NSDHL: variants seen among roughly 807,000 people sequenced by gnomAD.
The protein encoded by NSDHL is sterol-4-alpha-carboxylate 3-dehydrogenase, decarboxylating.
Under a neutral mutation model 23.0 loss-of-function variants are expected in NSDHL, and 1 was observed. That is an observed-to-expected ratio of 0.04 (90% CI 0.02 to 0.21). NSDHL has a LOEUF of 0.21. Among genes scored for constraint, NSDHL ranks in the 10% least tolerant of loss-of-function variants. The probability of loss-of-function intolerance (pLI) is 1.00; values close to 1 mark genes in which losing one functional copy is unlikely to be tolerated. For missense variants in NSDHL, 237 were observed against 300.9 expected (o/e 0.79, Z 1.57); for synonymous variants, 128 against 121.1 (o/e 1.06, Z -0.37).
chrX:152,836,683 C>T (rs2125001942), intron 1 of NSDHL, among the ~76,000 whole-genome samples: 1 of 112,129 alleles, frequency 8.9e-6, no homozygotes, highest in East Asian at 2.8e-4. Context: ...GGTACCAGTA[C>T]CATGCTGTTT....
At chrX:152,854,289 A>G (rs1243454630) in intron 3 of NSDHL, among the ~76,000 whole-genome samples, 3 of 112,327 alleles carry the variant, frequency 2.7e-5, no homozygotes, top group African/African-American at 9.7e-5. Flanking sequence ...AATTTAATAA[A>G]GGGAGAGGGG....
At position 152,858,644 on chromosome X, in the gene NSDHL, T is replaced by C. The variant is rs1480933455; in HGVS notation, c.268-126T>C. Reference sequence around the variant, plus strand: ...CATTGATTCTTTTATGAGAATGTATTTCCATATTGATTATAGAATTATAAG... The same window carrying C: ...CATTGATTCTTTTATGAGAATGTATCTCCATATTGATTATAGAATTATAAG... On this transcript the variant is annotated intron_variant, in intron 3 of 7. Coordinates refer to ENST00000370274, the MANE Select transcript of NSDHL (RefSeq NM_015922.3). 5.4e-6 allele frequency: 3 copies of C among 553,489 alleles called. No individual in the cohort carries two copies. In the African/African-American group the frequency reaches 6.9e-5, roughly 13 times the overall value. 45.6% of individuals were successfully genotyped at this position (553,489 alleles called of 1,213,427 possible).
chrX:152,865,577 G>A (rs1933593694), intron 5 of NSDHL, among the ~76,000 whole-genome samples: 1 of 112,914 alleles, frequency 8.9e-6, no homozygotes, highest in African/African-American at 3.2e-5. Context: ...TTGCCCAGCT[G>A]TCTGTCCTGC....
intron 3 of NSDHL, among the ~76,000 whole-genome samples, chrX:152,856,083 G>A: frequency 8.9e-6 from 1 of 111,883 alleles, no homozygotes; most frequent in Non-Finnish European, 1.9e-5. Flanking sequence ...TGGTGCTGTA[G>A]TATTTCCCAC....
chrX:152,842,126 T>C (rs1287213520), intron 1 of NSDHL, among the ~76,000 whole-genome samples: 2 of 112,573 alleles, frequency 1.8e-5, no homozygotes, highest in Non-Finnish European at 3.7e-5. Flanking sequence ...AGTGGACACA[T>C]TGCTGCTCCT....
Position 152,868,896 on chromosome X carries a change from A to G in NSDHL, c.902A>G (p.Tyr301Cys), listed in dbSNP as rs1933657244. 5.8e-6 allele frequency: 7 copies of G among 1,211,662 alleles called. No homozygotes were observed. Among genetic ancestry groups the G allele is most frequent in the Non-Finnish European group, 7.8e-6 (7 of 895,181 alleles). Residue 301 changes from tyrosine (Y) to cysteine (C), a missense_variant, in exon 8 of 8, where the codon TAC (tyrosine) becomes TGC (cysteine). Transcript: ENST00000370274. ...PKYHIPYWVA[Y>C]YLALLLSLLV... ...TACCACATCCCCTACTGGGTGGCCT[A>G]CTACCTGGCCCTCCTGCTATCCCTG...
chrX:152,859,329 T>G (rs1556847297), intron 4 of NSDHL, among the ~76,000 whole-genome samples: 1 of 111,773 alleles, frequency 8.9e-6, no homozygotes, highest in African/African-American at 3.3e-5. Flanking sequence ...CTCTAAACCT[T>G]TTTCTTCTTC....
chrX:152,862,788 T>A, intron 5 of NSDHL, 64 bp downstream of exon 5: 1 of 1,063,421 alleles, frequency 9.4e-7, no homozygotes, highest in East Asian at 3.0e-5. Context: ...GAAAAATGTT[T>A]ATGAACTTAT....
chrX:152,846,371 C>T lies in NSDHL; in HGVS notation c.47C>T (p.Thr16Ile). 3 of 1,211,104 alleles carry T rather than the reference C, an allele frequency of 2.5e-6. No individual in the cohort carries two copies. The highest frequency in any genetic ancestry group is 3.4e-6 in the Non-Finnish European group (3 of 894,673). Residue 16 changes from threonine to isoleucine, a missense_variant, in exon 2 of 8, where the codon ACT (threonine) becomes ATT (isoleucine). Coordinates refer to ENST00000370274, the MANE Select transcript of NSDHL (RefSeq NM_015922.3). ...SEPMRDQVAR[T>I]HLTEDTPKVN... ...CCAATGAGAGACCAAGTCGCACGGA[C>T]TCATTTGACAGAGGACACTCCCAAA...
chrX:152,832,138 C>A (rs1306697916), intron 1 of NSDHL, among the ~76,000 whole-genome samples: 1 of 111,522 alleles, frequency 9.0e-6, no homozygotes, highest in Non-Finnish European at 1.9e-5. Context: ...ACCTCATGTG[C>A]CAGCCACACT....
chrX:152,848,502 G>A (rs1327897524), intron 2 of NSDHL, among the ~76,000 whole-genome samples: 2 of 112,502 alleles, frequency 1.8e-5, no homozygotes, highest in Admixed American at 9.4e-5. Flanking sequence ...AATAATCCAC[G>A]TCACATTGTC....
At chrX:152,832,142 C>T (rs1385550184) in intron 1 of NSDHL, among the ~76,000 whole-genome samples, 1 of 111,573 alleles carries the variant, frequency 9.0e-6, no homozygotes, top group African/African-American at 3.3e-5. Flanking sequence ...CATGTGCCAG[C>T]CACACTCCTG....
At chrX:152,833,572 T>A (rs6627690) in intron 1 of NSDHL, among the ~76,000 whole-genome samples, 13,542 of 111,941 alleles carry the variant, frequency 0.12, 968 homozygotes, top group African/African-American at 0.27. Context: ...AGCTTGTCAC[T>A]GTTATAAGAA....
intron 5 of NSDHL, among the ~76,000 whole-genome samples, chrX:152,865,410 C>T (rs1191089692): frequency 8.9e-6 from 1 of 112,778 alleles, no homozygotes; most frequent in Non-Finnish European, 1.9e-5. Flanking sequence ...GTGGGCGGCA[C>T]ATGCAGTTCA....
intron 2 of NSDHL, among the ~76,000 whole-genome samples, chrX:152,848,655 C>T (rs1193124350): frequency 2.7e-5 from 3 of 112,341 alleles, no homozygotes; most frequent in Admixed American, 9.4e-5. Flanking sequence ...ACAAGGCAGT[C>T]TGAAATCTTT....
At chrX:152,867,794 C>T in intron 7 of NSDHL, 121 bp downstream of exon 7, 1 of 555,677 alleles carries the variant, frequency 1.8e-6, no homozygotes, top group Non-Finnish European at 3.1e-6. Context: ...GCCTTAGGAC[C>T]CCCTGTGCCA....
intron 3 of NSDHL, among the ~76,000 whole-genome samples, chrX:152,853,780 A>AG (rs1214274103): frequency 2.7e-5 from 3 of 112,267 alleles, no homozygotes; most frequent in Non-Finnish European, 5.6e-5. Flanking sequence ...CCTGAACCAC[A>AG]GAACTTGCTC....
rs1933670228 is a variant in NSDHL at position 152,869,302 on chromosome X, T to C, written c.*186T>C. The C allele has an allele frequency of 2.7e-5, 13 of 477,402 alleles. No homozygotes were observed. In the South Asian group the frequency reaches 3.7e-4, roughly 14 times the overall value. 39.3% of individuals were successfully genotyped at this position (477,402 alleles called of 1,213,427 possible). On this transcript the variant is annotated 3_prime_UTR_variant, in exon 8 of 8. Coordinates refer to ENST00000370274, the MANE Select transcript of NSDHL (RefSeq NM_015922.3). ...GCAAAAACAGACATTTCTTCCTTCA[T>C]GGAACTGGATTTGGATTTCTTGAAG...
chrX:152,864,637 C>A (rs782718992), intron 5 of NSDHL, among the ~76,000 whole-genome samples: 1 of 112,323 alleles, frequency 8.9e-6, no homozygotes, highest in African/African-American at 3.2e-5. Flanking sequence ...AGGTTGACAT[C>A]CACTGTTGGC....
Sources: gnomAD v4.1 joint callset for allele counts (sites outside exome capture counted in the v4.1 genomes callset) on GRCh38, gnomAD v4.1.1 for gene constraint, MANE v1.5 for transcripts, NCBI Gene and HGNC (gene_info 2026-07-23, HGNC 2026-07-21) for gene names.